CPNE5: variants seen among roughly 807,000 people sequenced by gnomAD.
CPNE5 encodes copine-5.
Under a neutral mutation model 81.1 loss-of-function variants are expected in CPNE5, and 42 were observed. The ratio of observed to expected loss-of-function variants is 0.52; its 90% CI spans 0.40 to 0.67. The LOEUF is 0.67. Ranked by LOEUF, CPNE5 falls within the 30% of genes least tolerant of loss-of-function variation. The probability of loss-of-function intolerance (pLI) is 0.00; values close to 1 mark genes in which losing one functional copy is unlikely to be tolerated. For missense variants in CPNE5, 612 were observed against 815.5 expected (o/e 0.75, Z 3.04); for synonymous variants, 313 against 321.5 (o/e 0.97, Z 0.28).
Position 36,745,379 on chromosome 6 carries a change from G to A in CPNE5, c.1328+9C>T, listed in dbSNP as rs757736623. Reference sequence around the variant, plus strand: ...GTGAGTGCCTGGAGGCGGTGGCAGCGGCACTCACCTGGCCACGTGGGTGAC... The same window carrying A: ...GTGAGTGCCTGGAGGCGGTGGCAGCAGCACTCACCTGGCCACGTGGGTGAC... On this transcript the variant is annotated intron_variant, in intron 17 of 20. Coordinates refer to ENST00000244751, the MANE Select transcript of CPNE5 (RefSeq NM_020939.2). The A allele has an allele frequency of 2.8e-5, 45 of 1,601,770 alleles. No homozygotes were observed. Among genetic ancestry groups the A allele is most frequent in the Non-Finnish European group, 3.5e-5 (41 of 1,174,752 alleles).
At chr6:36,808,482 C>T (rs1269183764) in intron 3 of CPNE5, among the ~76,000 whole-genome samples, 1 of 152,136 alleles carries the variant, frequency 6.6e-6, no homozygotes, top group Non-Finnish European at 1.5e-5. Flanking sequence ...AAGGACATCT[C>T]CCGGCACGTG....
At chr6:36,772,880 C>T (rs1767159800) in intron 10 of CPNE5, among the ~76,000 whole-genome samples, 1 of 151,820 alleles carries the variant, frequency 6.6e-6, no homozygotes, top group Non-Finnish European at 1.5e-5. Flanking sequence ...GAGACAGCAT[C>T]CCAAGCTGGA....
At chr6:36,808,162 C>T (rs1770768057) in intron 3 of CPNE5, among the ~76,000 whole-genome samples, 1 of 151,878 alleles carries the variant, frequency 6.6e-6, no homozygotes, top group African/African-American at 2.4e-5. Flanking sequence ...GCGATCTTGG[C>T]TCACTGCAAC....
chr6:36,825,696 C>T (rs920223219), intron 1 of CPNE5, among the ~76,000 whole-genome samples: 41 of 152,286 alleles, frequency 2.7e-4, no homozygotes, highest in African/African-American at 8.7e-4. Context: ...CACACCGAGG[C>T]GGGCTGACTT....
intron 1 of CPNE5, among the ~76,000 whole-genome samples, chr6:36,833,089 G>T (rs1436962162): frequency 3.3e-5 from 5 of 152,096 alleles, no homozygotes; most frequent in Non-Finnish European, 7.4e-5. Flanking sequence ...TACCATAGTT[G>T]GTACTCAGGC....
intron 4 of CPNE5, among the ~76,000 whole-genome samples, chr6:36,799,100 A>G (rs570076364): frequency 3.3e-5 from 5 of 152,070 alleles, no homozygotes; most frequent in African/African-American, 1.2e-4. Context: ...GATCACCTGG[A>G]GCCTCACCTG....
At chr6:36,807,407 T>C (rs1219259502) in intron 3 of CPNE5, among the ~76,000 whole-genome samples, 1 of 152,198 alleles carries the variant, frequency 6.6e-6, no homozygotes, top group East Asian at 1.9e-4. Context: ...GAGGCCTAAA[T>C]GATTTGATTT....
chr6:36,827,872 A>AT (rs67045154), intron 1 of CPNE5: 1,563 of 286,764 alleles, frequency 5.5e-3, no homozygotes, highest in Non-Finnish European at 7.3e-3. Context: ...GGAAAAACGT[A>AT]TTTTTTTTTT....
intron 11 of CPNE5, among the ~76,000 whole-genome samples, chr6:36,764,974 CT>C (rs35519925): frequency 0.59 from 89,510 of 151,940 alleles, 27,001 homozygotes; most frequent in Non-Finnish European, 0.66. Flanking sequence ...TTGAAGTTCA[CT>C]GGTGTCTGTG....
Position 36,794,652 on chromosome 6 carries a change from G to A in CPNE5, c.405-3C>T, listed in dbSNP as rs943976609. ...AATTCAGGCTGAATGCGCCTATCCT[G>A]TGGAGAGAGAGGGGGAGAGAGAGCA... On this transcript the variant is annotated splice_polypyrimidine_tract_variant and splice_region_variant and intron_variant, in intron 6 of 20. Coordinates refer to ENST00000244751, the MANE Select transcript of CPNE5 (RefSeq NM_020939.2). 5.6e-6 allele frequency: 9 copies of A among 1,613,720 alleles called. No individual in the cohort carries two copies. The Admixed American group carries it at 6.7e-5, about 12-fold the overall frequency.
In CPNE5 at chr6:36,824,736, C is replaced by T. The variant is rs556947997; in HGVS notation, c.96-1638G>A. ...CTGAGGCATGTGGATCACTTGAGGT[C>T]GGGAGTTCGAGACCAGCCTGGCCAA... On this transcript the variant is annotated intron_variant, in intron 1 of 20. Transcript: ENST00000244751. 1.3e-4 allele frequency among the ~76,000 whole-genome samples: 20 copies of T among 152,228 alleles called. No individual in the cohort carries two copies. The South Asian group carries it at 1.9e-3, about 14-fold the overall frequency.
chr6:36,798,246 A>G lies in CPNE5; in HGVS notation c.328-5T>C, dbSNP rs1769772057. The G allele has an allele frequency of 6.2e-7, 1 of 1,612,598 alleles. No homozygotes were observed. The highest frequency in any genetic ancestry group is 1.7e-5 in the Admixed American group (1 of 59,838). ...GAAGGCCTGGCCCAGGAAATCCTGC[A>G]TATCCAGGGAACAGAAGAGACCAGT... On this transcript the variant is annotated splice_region_variant and splice_polypyrimidine_tract_variant and intron_variant, in intron 5 of 20. Transcript: ENST00000244751.
chr6:36,803,402 T>C (rs999689583), intron 3 of CPNE5, among the ~76,000 whole-genome samples: 5 of 152,186 alleles, frequency 3.3e-5, no homozygotes, highest in African/African-American at 1.2e-4. Context: ...CTGATAATGA[T>C]CTACTGAGTC....
intron 1 of CPNE5, among the ~76,000 whole-genome samples, chr6:36,834,278 AGG>A (rs1419319249): frequency 6.3e-3 from 572 of 91,332 alleles, no homozygotes; most frequent in African/African-American, 9.8e-3. Context: ...AAAAAAAAAA[AGG>A]AAGGAAGGGA....
At chr6:36,814,007 A>T (rs1771324373) in intron 3 of CPNE5, among the ~76,000 whole-genome samples, 1 of 152,210 alleles carries the variant, frequency 6.6e-6, no homozygotes, top group Non-Finnish European at 1.5e-5. Context: ...ACTTGAGAAG[A>T]TAAATAACTC....
Position 36,833,738 on chromosome 6 carries a change from G to A in CPNE5, c.95+5545C>T, listed in dbSNP as rs930042586. On this transcript the variant is annotated intron_variant, in intron 1 of 20. Transcript: ENST00000244751. ...ACTCAGAGCCTTGGATAAGACCACA[G>A]CCCTGCCAATACCTTGATTCCAGCC... Among the ~76,000 whole-genome samples, 5 of 152,148 alleles carry A rather than the reference G, an allele frequency of 3.3e-5. No individual in the cohort carries two copies. The East Asian group carries it at 7.7e-4, about 23-fold the overall frequency.
chr6:36,823,006 G>C, intron 2 of CPNE5, 52 bp downstream of exon 2: 1 of 1,453,674 alleles, frequency 6.9e-7, no homozygotes, highest in Non-Finnish European at 9.3e-7. Flanking sequence ...GCTGTAATTA[G>C]TCATAGCGTT....
chr6:36,755,894 T>C, intron 13 of CPNE5: 1 of 322,334 alleles, frequency 3.1e-6, no homozygotes, highest in Non-Finnish European at 5.7e-6. Context: ...TGATAATATC[T>C]GCCTCTCAGG....
chr6:36,781,918 C>T (rs112331320), intron 8 of CPNE5, among the ~76,000 whole-genome samples: 56 of 152,104 alleles, frequency 3.7e-4, no homozygotes, highest in African/African-American at 1.3e-3. Context: ...AGGGGAGCAG[C>T]GGGGATGGCC....
Sources: allele counts gnomAD v4.1 joint callset (sites outside exome capture counted in the v4.1 genomes callset), GRCh38; gene constraint gnomAD v4.1.1; transcripts MANE v1.5; gene names NCBI Gene and HGNC (gene_info 2026-07-23, HGNC 2026-07-21).